CDH12: variants seen among roughly 807,000 people sequenced by gnomAD.
CDH12 encodes cadherin-12.
Under a neutral mutation model 74.1 loss-of-function variants are expected in CDH12, and 41 were observed. The observed-to-expected ratio is 0.55, with a 90% CI of 0.43 to 0.72. The LOEUF (loss-of-function observed/expected upper bound fraction) is 0.72. Among genes scored for constraint, CDH12 ranks in the 30% least tolerant of loss-of-function variants. CDH12 has a pLI of 0.00. For missense variants in CDH12, 945 were observed against 977.2 expected (o/e 0.97, Z 0.44); for synonymous variants, 399 against 355.0 (o/e 1.12, Z -1.39).
intron 1 of CDH12, among the ~76,000 whole-genome samples, chr5:22,827,653 G>T (rs183583601): frequency 2.6e-5 from 4 of 152,130 alleles, no homozygotes; most frequent in Non-Finnish European, 5.9e-5. Flanking sequence ...TTAACTGTAC[G>T]TGTGCATCTC....
chr5:21,899,751 A>G (rs1043905755), intron 6 of CDH12, among the ~76,000 whole-genome samples: 1 of 151,860 alleles, frequency 6.6e-6, no homozygotes, highest in African/African-American at 2.4e-5. Context: ...AGTAATAACA[A>G]TTATTAATAT....
chr5:22,121,324 G>A (rs900004384), intron 4 of CDH12, among the ~76,000 whole-genome samples: 2 of 152,086 alleles, frequency 1.3e-5, no homozygotes, highest in Admixed American at 6.6e-5. Flanking sequence ...CAAGCAGCCC[G>A]CTTATAAAAT....
intron 1 of CDH12, among the ~76,000 whole-genome samples, chr5:22,648,089 C>T (rs1031801423): frequency 5.3e-5 from 8 of 151,752 alleles, no homozygotes; most frequent in African/African-American, 1.7e-4. Flanking sequence ...TCTTAATAAG[C>T]TTATTTTACC....
At chr5:22,075,296 C>T (rs1742232156) in intron 5 of CDH12, among the ~76,000 whole-genome samples, 1 of 125,516 alleles carries the variant, frequency 8.0e-6, no homozygotes, top group African/African-American at 3.1e-5. Flanking sequence ...GAACATCACA[C>T]ACTGGGGCCT....
chr5:22,078,499 G>A lies in CDH12; in HGVS notation c.178C>T (p.Gln60Ter). 2 of 1,613,860 alleles carry A rather than the reference G, an allele frequency of 1.2e-6. No homozygotes were observed. The highest frequency in any genetic ancestry group is 1.7e-6 in the Non-Finnish European group (2 of 1,179,836). ...ACGTATTCTTCCAGCACAAAAAATT[G>A]ATTCCATACCCAGCCACGTTTAACA... ...QRVKRGWVWN[Q>*]FFVLEEYVGS... Residue 60 changes from glutamine to a stop codon, truncating the protein, a stop_gained, in exon 5 of 15, where the codon CAA (glutamine) becomes TAA (stop). Transcript: ENST00000382254. LOFTEE classifies it high-confidence loss of function.
intron 3 of CDH12, among the ~76,000 whole-genome samples, chr5:22,295,103 C>T (rs998908772): frequency 1.3e-5 from 2 of 152,180 alleles, no homozygotes; most frequent in Non-Finnish European, 2.9e-5. Context: ...TAAAAACCCT[C>T]TCACCTTTTG....
chr5:21,865,941 G>A (rs1387727449), intron 6 of CDH12, among the ~76,000 whole-genome samples: 3 of 152,174 alleles, frequency 2.0e-5, no homozygotes, highest in Non-Finnish European at 2.9e-5. Flanking sequence ...TTGTGGGAGG[G>A]ACACCATGTG....
At chr5:22,747,372 T>C (rs1044950898) in intron 1 of CDH12, among the ~76,000 whole-genome samples, 11 of 151,100 alleles carry the variant, frequency 7.3e-5, no homozygotes, top group Non-Finnish European at 1.2e-4. Flanking sequence ...ACCTGTAATC[T>C]GAGCAGTTTA....
At chr5:22,569,573 C>A (rs1739446382) in intron 1 of CDH12, among the ~76,000 whole-genome samples, 1 of 152,198 alleles carries the variant, frequency 6.6e-6, no homozygotes, top group South Asian at 2.1e-4. Context: ...GCTCTATCAA[C>A]TACGCTTAGG....
intron 10 of CDH12, among the ~76,000 whole-genome samples, chr5:21,791,682 TAAA>T (rs34771574): frequency 0.016 from 2,310 of 147,708 alleles, 49 homozygotes; most frequent in African/African-American, 0.053. Flanking sequence ...TGATTGTTGC[TAAA>T]AAAAAAAAAG....
intron 5 of CDH12, among the ~76,000 whole-genome samples, chr5:22,040,979 C>T (rs1739533202): frequency 6.6e-6 from 1 of 151,828 alleles, no homozygotes; most frequent in Admixed American, 6.6e-5. Context: ...GATTAAAAGT[C>T]AGAACAGTCA....
At chr5:21,929,475 C>G (rs766604636) in intron 6 of CDH12, among the ~76,000 whole-genome samples, 1 of 151,800 alleles carries the variant, frequency 6.6e-6, no homozygotes, top group Non-Finnish European at 1.5e-5. Context: ...GTTCATGCTT[C>G]TATGAGAATC....
intron 6 of CDH12, among the ~76,000 whole-genome samples, chr5:21,935,527 C>A (rs904371107): frequency 1.2e-4 from 18 of 152,092 alleles, no homozygotes; most frequent in African/African-American, 3.6e-4. Context: ...TTGATACATG[C>A]ATAATAATCA....
At chr5:21,807,654 G>C (rs1747508321) in intron 9 of CDH12, among the ~76,000 whole-genome samples, 1 of 152,122 alleles carries the variant, frequency 6.6e-6, no homozygotes, top group South Asian at 2.1e-4. Context: ...GAAATGGATA[G>C]CTATGGTTAT....
At chr5:22,648,810 A>C (rs1271589955) in intron 1 of CDH12, among the ~76,000 whole-genome samples, 3 of 151,882 alleles carry the variant, frequency 2.0e-5, no homozygotes, top group Non-Finnish European at 2.9e-5. Flanking sequence ...CCACTTTCTC[A>C]AAGTGACATA....
intron 3 of CDH12, among the ~76,000 whole-genome samples, chr5:22,345,893 C>T (rs1345634196): frequency 6.6e-6 from 1 of 152,006 alleles, no homozygotes; most frequent in Admixed American, 6.6e-5. Flanking sequence ...CGCCTGAGGT[C>T]AGGAGTTCGA....
intron 4 of CDH12, among the ~76,000 whole-genome samples, chr5:22,085,444 T>G (rs10472477): frequency 0.35 from 53,039 of 152,038 alleles, 11,213 homozygotes; most frequent in African/African-American, 0.6. Flanking sequence ...TATTAAAAGG[T>G]GTTCTCTATT....
intron 4 of CDH12, among the ~76,000 whole-genome samples, chr5:22,138,224 T>C (rs1297021172): frequency 6.6e-6 from 1 of 152,018 alleles, no homozygotes; most frequent in Non-Finnish European, 1.5e-5. Context: ...TAATGTATTT[T>C]AGTGTTGCAG....
chr5:22,604,457 T>C (rs1424483355), intron 1 of CDH12, among the ~76,000 whole-genome samples: 1 of 152,174 alleles, frequency 6.6e-6, no homozygotes, highest in Non-Finnish European at 1.5e-5. Context: ...GAGGCTCACC[T>C]TTCTCAGATG....
Sources: gnomAD v4.1 joint callset for allele counts (sites outside exome capture counted in the v4.1 genomes callset) on GRCh38, gnomAD v4.1.1 for gene constraint, MANE v1.5 for transcripts, NCBI Gene and HGNC (gene_info 2026-07-23, HGNC 2026-07-21) for gene names.